The following AGL variants were observed in gnomAD, a reference collection of about 807,000 sequenced individuals.
AGL encodes the protein amylo-alpha-1,6-glucosidase and 4-alpha-glucanotransferase, also known as glycogen debranching enzyme.
In AGL, 128 loss-of-function variants were observed where a neutral mutation model predicts 199.3. The ratio of observed to expected loss-of-function variants is 0.64; its 90% confidence interval spans 0.56 to 0.74. The LOEUF (loss-of-function observed/expected upper bound fraction) is 0.74, where lower values mean the gene tolerates loss of function less well. Among genes scored for constraint, AGL ranks in the 30% least tolerant of loss-of-function variants. The pLI, the probability that AGL is intolerant of heterozygous loss-of-function variation, is 0.00. For synonymous variants in AGL, 584 were observed against 594.7 expected (o/e 0.98, Z 0.26); for missense variants, 1,809 against 1,820.8 (o/e 0.99, Z 0.12).
intron 25 of AGL, among the ~76,000 whole-genome samples, chr1:99,898,506 T>G (rs191721276): frequency 1.3e-5 from 2 of 152,284 alleles, no homozygotes; most frequent in South Asian, 4.1e-4. Context: ...CAGAGAATAA[T>G]ATATTATCCC....
Position 99,876,354 on chromosome 1 carries a change from T to G in AGL, c.1284-104T>G, listed in dbSNP as rs112786370. On this transcript the variant is annotated intron_variant, in intron 10 of 33. Transcript: ENST00000361915. ...TCCTATAAATAGCATCAAACTTATT[T>G]TATTCTATTCATTAGAAAAGAAGTT... 2.6e-5 allele frequency: 24 copies of G among 907,810 alleles called. 1 individual carries two copies. Among genetic ancestry groups the G allele is most frequent in the African/African-American group, 1.5e-4 (9 of 59,322 alleles). 56.2% of individuals were successfully genotyped at this position (907,810 alleles called of 1,614,324 possible). A position where few individuals can be genotyped will look rare whatever the true frequency, so the allele number is the denominator to read the frequency against.
Position 99,880,007 on chromosome 1 carries a change from G to A in AGL, c.1696G>A (p.Val566Ile). Residue 566 changes from valine to isoleucine, a missense_variant, in exon 13 of 34, where the codon GTC becomes ATC. Physicochemically the swap from Val to Ile is conservative, Grantham distance 29. Transcript: ENST00000361915. ...CACAGGAAGTGAAGATCTGGACAAT[G>A]TCTTTGTTACTAGACTGGGCATTAG... Reference protein sequence around the residue: ...LFTGSEDLDNVFVTRLGISSL... With the variant: ...LFTGSEDLDNIFVTRLGISSL... The A allele has an allele frequency of 1.2e-6, 2 of 1,613,692 alleles. No individual in the cohort carries two copies. Among genetic ancestry groups the A allele is most frequent in the Non-Finnish European group, 1.7e-6 (2 of 1,179,766 alleles).
intron 2 of AGL, among the ~76,000 whole-genome samples, chr1:99,853,711 G>A (rs1180343709): frequency 6.6e-6 from 1 of 152,010 alleles, no homozygotes; most frequent in Non-Finnish European, 1.5e-5. Flanking sequence ...AACATAGTAA[G>A]ACTTTATCTC....
chr1:99,912,557 A>T (rs1175220875), intron 29 of AGL, 40 bp downstream of exon 29: 24 of 1,376,724 alleles, frequency 1.7e-5, no homozygotes, highest in Non-Finnish European at 2.4e-5. Flanking sequence ...CTTCAAATGT[A>T]CTATGTATAT....
intron 8 of AGL, 91 bp from the exon 9 acceptor site, chr1:99,875,063 T>C: frequency 8.3e-7 from 1 of 1,201,328 alleles, no homozygotes; most frequent in Admixed American, 2.0e-5. Context: ...TGAATATATT[T>C]AAGGTTTCTG....
chr1:99,912,390 G>GT lies in AGL; in HGVS notation c.3837-9dup. The stretch of plus-strand genomic sequence containing the variant: ...ACGCCAACTTAAAGAATAAAAATAC[G>GT]TTTTTTAATTTTAGAGATGGGTCTG... On this transcript the variant is annotated splice_polypyrimidine_tract_variant and intron_variant, in intron 28 of 33. Transcript: ENST00000361915. The GT allele has an allele frequency of 6.2e-7, 1 of 1,606,286 alleles. No individual in the cohort carries two copies. The highest frequency in any genetic ancestry group is 8.5e-7 in the Non-Finnish European group (1 of 1,173,280).
chr1:99,875,824 G>T (rs908917090), intron 10 of AGL, among the ~76,000 whole-genome samples: 1 of 115,084 alleles, frequency 8.7e-6, no homozygotes, highest in African/African-American at 2.9e-5. Flanking sequence ...TCTTTACTTA[G>T]AGTCTTTTTT....
intron 23 of AGL, 29 bp downstream of exon 23, chr1:99,891,768 G>A (rs2100790263): frequency 6.2e-7 from 1 of 1,612,396 alleles, no homozygotes; most frequent in Non-Finnish European, 8.5e-7. Context: ...GAATAAATGG[G>A]CATATCTGTG....
At position 99,890,822 on chromosome 1, in the gene AGL, C is replaced by A. The variant is rs1276056097; in HGVS notation, c.2813-398C>A. On this transcript the variant is annotated intron_variant, in intron 21 of 33. Coordinates refer to ENST00000361915, the MANE Select transcript of AGL (RefSeq NM_000642.3). ...TAAATCTAGCCTGAATACTGATGAA[C>A]CCACTACTTTTCAACATGAAAAAAT... Among the ~76,000 whole-genome samples the A allele has an allele frequency of 2.0e-5, 3 of 152,058 alleles. No individual in the cohort carries two copies. The East Asian group carries it at 5.8e-4, about 29-fold the overall frequency.
chr1:99,915,555 T>A, intron 31 of AGL, 69 bp downstream of exon 31: 1 of 1,233,456 alleles, frequency 8.1e-7, no homozygotes, highest in South Asian at 1.4e-5. Flanking sequence ...CAACCATAAT[T>A]TTTTTTTTTT....
At chr1:99,871,927 G>A (rs1315624022) in intron 7 of AGL, among the ~76,000 whole-genome samples, 1 of 151,206 alleles carries the variant, frequency 6.6e-6, no homozygotes, top group African/African-American at 2.4e-5. Context: ...AAGACTCTTT[G>A]TGAAAAAAAA....
chr1:99,878,311 C>T (rs1372250884), intron 12 of AGL, among the ~76,000 whole-genome samples: 1 of 151,946 alleles, frequency 6.6e-6, no homozygotes, highest in Non-Finnish European at 1.5e-5. Flanking sequence ...CACCACTGCA[C>T]TCCAGCCTGG....
intron 2 of AGL, among the ~76,000 whole-genome samples, chr1:99,857,249 C>T (rs182084990): frequency 0.043 from 6,496 of 150,674 alleles, 261 homozygotes; most frequent in African/African-American, 0.097. Context: ...ACATCTCAGA[C>T]GATGGGCGGC....
At chr1:99,915,798 A>G (rs1655074686) in intron 31 of AGL, among the ~76,000 whole-genome samples, 1 of 151,972 alleles carries the variant, frequency 6.6e-6, no homozygotes, top group Non-Finnish European at 1.5e-5. Context: ...ACGCACACAC[A>G]CACCAAAACT....
chr1:99,871,023 GAGTT>G (rs762528647), intron 7 of AGL, among the ~76,000 whole-genome samples, 154 bp downstream of exon 7: 8 of 152,128 alleles, frequency 5.3e-5, no homozygotes, highest in Non-Finnish European at 8.8e-5. Flanking sequence ...TGTAAGCTGA[GAGTT>G]AGCAGAAACA....
chr1:99,915,873 A>T (rs1222343042), intron 31 of AGL, among the ~76,000 whole-genome samples: 1 of 152,168 alleles, frequency 6.6e-6, no homozygotes, highest in Non-Finnish European at 1.5e-5. Flanking sequence ...TGGAGTATAG[A>T]TAACTGTGTT....
chr1:99,907,749 A>T (rs2100840350), intron 27 of AGL, among the ~76,000 whole-genome samples: 3 of 129,286 alleles, frequency 2.3e-5, no homozygotes, highest in East Asian at 2.4e-4. Context: ...AATGGTTTTG[A>T]TTTGCATTTC....
chr1:99,859,097 G>A (rs1001775934), intron 2 of AGL, among the ~76,000 whole-genome samples: 9 of 152,126 alleles, frequency 5.9e-5, no homozygotes, highest in African/African-American at 2.2e-4. Context: ...CAGGGGACAG[G>A]TTGTACACAT....
rs749550642 is a variant in AGL, at chr1:99,879,938, G to A, written c.1627G>A (p.Ala543Thr). 5 of 1,613,290 alleles carry A rather than the reference G, an allele frequency of 3.1e-6. No homozygotes were observed. Among genetic ancestry groups the A allele is most frequent in the African/African-American group, 1.3e-5 (1 of 74,996 alleles). ...LHVAEYMLDAARNLQPNLYVV... is the reference protein window; with the variant it reads ...LHVAEYMLDATRNLQPNLYVV... ...CTTTTTACAGTACATGTTGGATGCT[G>A]CTAGGAATTTGCAACCCAATTTATA... Residue 543 changes from alanine (A) to threonine (T), a missense_variant, in exon 13 of 34, where the codon GCT (alanine) becomes ACT (threonine). Coordinates refer to ENST00000361915, the MANE Select transcript of AGL (RefSeq NM_000642.3).
Sources: gnomAD v4.1 joint callset for allele counts (sites outside exome capture counted in the v4.1 genomes callset) on GRCh38, gnomAD v4.1.1 for gene constraint, MANE v1.5 for transcripts, NCBI Gene and HGNC (gene_info 2026-07-23, HGNC 2026-07-21) for gene names.